Variants in TMEM181 observed in about 807,000 individuals in gnomAD.
TMEM181 encodes the protein transmembrane protein 181, also known as G protein-coupled receptor 178.
TMEM181 carries 39 observed loss-of-function variants against 71.9 expected under a neutral mutation model. The observed-to-expected ratio is 0.54, with a 90% CI of 0.42 to 0.71. The LOEUF (loss-of-function observed/expected upper bound fraction) is 0.71, where lower values mean the gene tolerates loss of function less well. Ranked by LOEUF, TMEM181 falls within the 30% of genes least tolerant of loss-of-function variation. The pLI, the probability that TMEM181 is intolerant of heterozygous loss-of-function variation, is 0.00. For synonymous variants in TMEM181, 245 were observed against 228.8 expected (o/e 1.07, Z -0.64); for missense variants, 595 against 583.0 (o/e 1.02, Z -0.21).
intron 10 of TMEM181, 31 bp from the exon 11 acceptor site, chr6:158,623,519 A>G: frequency 7.2e-7 from 1 of 1,380,218 alleles, no homozygotes; most frequent in Non-Finnish European, 9.9e-7. Flanking sequence ...GTAGTTATTA[A>G]TCTATAATTA....
At chr6:158,554,903 G>A (rs1021178094) in intron 1 of TMEM181, among the ~76,000 whole-genome samples, 7 of 152,196 alleles carry the variant, frequency 4.6e-5, no homozygotes, top group African/African-American at 1.7e-4. Flanking sequence ...GCCCCGATAG[G>A]TAATCTAATG....
chr6:158,628,379 T>C (rs1786460481), intron 13 of TMEM181, 29 bp from the exon 14 acceptor site: 1 of 1,611,534 alleles, frequency 6.2e-7, no homozygotes, highest in Non-Finnish European at 8.5e-7. Context: ...CATGTTTACA[T>C]ATTGTCTCTG....
rs753650056 is a variant in TMEM181, at chr6:158,581,012, G to A, written c.168+17G>A. The A allele has an allele frequency of 2.4e-5, 38 of 1,603,794 alleles. No individual in the cohort carries two copies. Among genetic ancestry groups the A allele is most frequent in the Non-Finnish European group, 3.1e-5 (36 of 1,171,820 alleles). ...AGCAAAAAGGTAAGACTGGGTCTGAGTGGCAGCTGGGTGGTGGGGTGCATT... is the reference window on the plus strand; with the variant it reads ...AGCAAAAAGGTAAGACTGGGTCTGAATGGCAGCTGGGTGGTGGGGTGCATT... On this transcript the variant is annotated intron_variant, in intron 3 of 16. Coordinates refer to ENST00000684151, the MANE Select transcript of TMEM181 (RefSeq NM_001376852.1).
At chr6:158,600,458 A>ATTTTTTTTTTTTTTTT (rs61457107) in intron 6 of TMEM181, among the ~76,000 whole-genome samples, 9 of 91,854 alleles carry the variant, frequency 9.8e-5, no homozygotes, top group Non-Finnish European at 1.3e-4. Flanking sequence ...CCTAGGGTTA[A>ATTTTTTTTTTTTTTTT]TTTTTTTTTT....
intron 10 of TMEM181, among the ~76,000 whole-genome samples, chr6:158,618,818 C>T (rs1276547090): frequency 1.3e-5 from 2 of 152,212 alleles, no homozygotes; most frequent in Non-Finnish European, 2.9e-5. Flanking sequence ...TGAATATTGG[C>T]CCCCACTCTT....
chr6:158,632,913 T>C lies in TMEM181; in HGVS notation c.*1025T>C, dbSNP rs1786739958. On this transcript the variant is annotated 3_prime_UTR_variant, in exon 17 of 17. Coordinates refer to ENST00000684151, the MANE Select transcript of TMEM181 (RefSeq NM_001376852.1). ...GGAGACCCCGTCTCTATAAAACATT[T>C]AGAAAGTTGGCTGGGCATGCTGGGG... The C allele has an allele frequency of 6.6e-6, 1 of 152,018 alleles. No individual in the cohort carries two copies. The highest frequency in any genetic ancestry group is 6.5e-5 in the Admixed American group (1 of 15,276). The allele number at this position is 152,018 out of a possible 1,614,324, so 9.4% of individuals were successfully genotyped here. A position where few individuals can be genotyped will look rare whatever the true frequency, so the allele number is the denominator to read the frequency against.
At chr6:158,557,535 T>TATTTATTTA (rs1266291687), upstream of TMEM181, among the ~76,000 whole-genome samples, 1 of 152,046 alleles carries the variant, frequency 6.6e-6, no homozygotes, top group East Asian at 1.9e-4. Context: ...TTTATTTATT[T>TATTTATTTA]GAGACAGAGT....
At chr6:158,558,306 G>C (rs563723315), upstream of TMEM181, among the ~76,000 whole-genome samples, 3 of 152,194 alleles carry the variant, frequency 2.0e-5, no homozygotes, top group Admixed American at 6.5e-5. Context: ...AATGTGCTTT[G>C]TTTAGTCCCT....
chr6:158,571,190 G>A (rs190593883), intron 1 of TMEM181, among the ~76,000 whole-genome samples: 228 of 152,204 alleles, frequency 1.5e-3, no homozygotes, highest in African/African-American at 4.7e-3. Flanking sequence ...TCCGCCTCCC[G>A]GGTTCGTGCC....
chr6:158,608,578 A>G (rs1785101352), intron 9 of TMEM181, 81 bp from the exon 10 acceptor site: 1 of 1,597,298 alleles, frequency 6.3e-7, no homozygotes, highest in Non-Finnish European at 8.5e-7. Flanking sequence ...CTGCAGGCCC[A>G]TACTCAATGG....
intron 5 of TMEM181, among the ~76,000 whole-genome samples, chr6:158,586,666 G>A (rs1286155997): frequency 6.6e-6 from 1 of 152,152 alleles, no homozygotes; most frequent in Non-Finnish European, 1.5e-5. Context: ...AGAATTCAAG[G>A]GCTAGGCGCA....
chr6:158,537,234 G>C (rs1276022153), intron 1 of TMEM181, among the ~76,000 whole-genome samples: 2 of 151,904 alleles, frequency 1.3e-5, no homozygotes, highest in African/African-American at 2.4e-5. Flanking sequence ...CCGCCTCGCC[G>C]CCCCCGCTCG....
At chr6:158,628,352 C>A in intron 13 of TMEM181, 56 bp from the exon 14 acceptor site, 1 of 1,529,860 alleles carries the variant, frequency 6.5e-7, no homozygotes, top group Non-Finnish European at 9.0e-7. Context: ...TTCTCTGAAG[C>A]TAGTGCCGTT....
intron 2 of TMEM181, among the ~76,000 whole-genome samples, chr6:158,574,146 A>G (rs923812190): frequency 6.6e-6 from 1 of 152,184 alleles, no homozygotes; most frequent in Non-Finnish European, 1.5e-5. Context: ...CTCTTAAATA[A>G]AATATCTTTT....
intron 6 of TMEM181, among the ~76,000 whole-genome samples, chr6:158,602,438 A>G (rs1475024879): frequency 6.6e-6 from 1 of 152,098 alleles, no homozygotes; most frequent in African/African-American, 2.4e-5. Flanking sequence ...TGGTTAAGAA[A>G]CTCACAAACT....
chr6:158,549,347 G>A (rs1030282457), intron 1 of TMEM181, among the ~76,000 whole-genome samples: 8 of 152,010 alleles, frequency 5.3e-5, no homozygotes, highest in Non-Finnish European at 1.0e-4. Flanking sequence ...AACTCCTGAC[G>A]TCGTGATCCA....
intron 10 of TMEM181, among the ~76,000 whole-genome samples, chr6:158,615,541 A>G (rs1785565597): frequency 6.6e-6 from 1 of 152,174 alleles, no homozygotes; most frequent in Non-Finnish European, 1.5e-5. Flanking sequence ...TTGGTGTTTT[A>G]GTCATGAAGT....
At chr6:158,582,735 G>A (rs1288036234) in intron 3 of TMEM181, among the ~76,000 whole-genome samples, 1 of 152,104 alleles carries the variant, frequency 6.6e-6, no homozygotes, top group South Asian at 2.1e-4. Flanking sequence ...CTTTTCTTTG[G>A]AACCATGGGT....
intron 2 of TMEM181, among the ~76,000 whole-genome samples, chr6:158,578,202 A>G (rs1582974544): frequency 1.3e-5 from 2 of 152,232 alleles, no homozygotes; most frequent in African/African-American, 2.4e-5. Flanking sequence ...TGAGGAAGTT[A>G]TTACTATTAG....
Sources: allele counts gnomAD v4.1 joint callset (sites outside exome capture counted in the v4.1 genomes callset), GRCh38; gene constraint gnomAD v4.1.1; transcripts MANE v1.5; gene names NCBI Gene and HGNC (gene_info 2026-07-23, HGNC 2026-07-21).